The following ZNF804B variants were observed in gnomAD, a reference collection of about 807,000 sequenced individuals.
ZNF804B encodes the protein zinc finger 804B.
A neutral mutation model predicts 101.4 loss-of-function variants in ZNF804B; 80 were observed. The ratio of observed to expected loss-of-function variants is 0.79; its 90% CI spans 0.66 to 0.95. ZNF804B has a LOEUF of 0.95. Ranked by LOEUF, ZNF804B falls within the 40% of genes least tolerant of loss-of-function variation. ZNF804B has a pLI of 0.00. For synonymous variants in ZNF804B, 622 were observed against 558.8 expected (o/e 1.11, Z -1.59); for missense variants, 1,673 against 1,561.9 (o/e 1.07, Z -1.20).
rs185118325 is a variant in ZNF804B, at chr7:89,148,563, G to A, written c.109-69592G>A. 2.3e-3 allele frequency among the ~76,000 whole-genome samples: 355 copies of A among 152,088 alleles called. 2 individuals carry two copies. The highest frequency in any genetic ancestry group is 7.7e-3 in the African/African-American group (319 of 41,518). ...TGAAGTTATTCTAAAATAATGTTAT[G>A]TATTTAAAAATATTAATACAAGTAG... On this transcript the variant is annotated intron_variant, in intron 1 of 3. Coordinates refer to ENST00000333190, the MANE Select transcript of ZNF804B (RefSeq NM_181646.5).
chr7:89,030,254 T>A (rs1213287197), intron 1 of ZNF804B, among the ~76,000 whole-genome samples: 7 of 152,166 alleles, frequency 4.6e-5, no homozygotes, highest in Non-Finnish European at 5.9e-5. Flanking sequence ...TCATCTGAAG[T>A]CTCATCAATA....
intron 1 of ZNF804B, among the ~76,000 whole-genome samples, chr7:88,924,337 A>C (rs939719897): frequency 1.3e-5 from 2 of 151,974 alleles, no homozygotes; most frequent in African/African-American, 4.8e-5. Flanking sequence ...TACCTTGAGC[A>C]TGTGTTTTTG....
In ZNF804B at chr7:89,205,169, A is replaced by G. The variant is rs377551006; in HGVS notation, c.109-12986A>G. ...ACAGCACAGGAAAAACCTACCCTCC[A>G]TGATTCAATCACCTCCCACCAGGTC... On this transcript the variant is annotated intron_variant, in intron 1 of 3. Coordinates refer to ENST00000333190, the MANE Select transcript of ZNF804B (RefSeq NM_181646.5). Among the ~76,000 whole-genome samples the G allele has an allele frequency of 5.1e-4, 77 of 152,236 alleles. 2 individuals are homozygous for G. The South Asian group carries it at 0.016, about 31-fold the overall frequency.
At chr7:89,212,392 A>G (rs193293236) in intron 1 of ZNF804B, among the ~76,000 whole-genome samples, 19 of 152,208 alleles carry the variant, frequency 1.2e-4, no homozygotes, top group Admixed American at 1.2e-3. Flanking sequence ...ACAAAAGACA[A>G]ATTAACAAGA....
At chr7:88,838,458 A>G (rs1002666019) in intron 1 of ZNF804B, among the ~76,000 whole-genome samples, 1 of 151,904 alleles carries the variant, frequency 6.6e-6, no homozygotes, top group Non-Finnish European at 1.5e-5. Flanking sequence ...ATCCTTGTTG[A>G]AGTGTTTGGA....
At chr7:89,265,083 C>A (rs1789765736) in intron 2 of ZNF804B, among the ~76,000 whole-genome samples, 1 of 152,026 alleles carries the variant, frequency 6.6e-6, no homozygotes, top group African/African-American at 2.4e-5. Context: ...CACCATGTGC[C>A]ATTGATTTGT....
At chr7:89,192,686 AGG>A (rs1033840152) in intron 1 of ZNF804B, among the ~76,000 whole-genome samples, 82 of 152,146 alleles carry the variant, frequency 5.4e-4, no homozygotes, top group African/African-American at 1.9e-3. Context: ...CATACCTAGC[AGG>A]GACACAACAA....
At chr7:88,762,126 T>C (rs774543033) in intron 1 of ZNF804B, among the ~76,000 whole-genome samples, 9 of 152,248 alleles carry the variant, frequency 5.9e-5, no homozygotes, top group African/African-American at 1.2e-4. Context: ...GAAGGTTCTC[T>C]CCAATATTTA....
At chr7:89,165,264 A>G (rs1791124610) in intron 1 of ZNF804B, among the ~76,000 whole-genome samples, 1 of 152,086 alleles carries the variant, frequency 6.6e-6, no homozygotes, top group Non-Finnish European at 1.5e-5. Flanking sequence ...CTATCTCTGA[A>G]TTTCAAGTGT....
intron 1 of ZNF804B, among the ~76,000 whole-genome samples, chr7:89,064,153 G>A (rs1003359805): frequency 4.6e-5 from 7 of 152,110 alleles, no homozygotes; most frequent in Non-Finnish European, 8.8e-5. Context: ...AGCTCTGGAC[G>A]TTTAATGGTT....
intron 1 of ZNF804B, among the ~76,000 whole-genome samples, chr7:88,812,430 G>A (rs1339456364): frequency 6.6e-6 from 1 of 152,112 alleles, no homozygotes; most frequent in Non-Finnish European, 1.5e-5. Context: ...GTAAAATGGT[G>A]CAACCACCAT....
chr7:89,168,066 C>G (rs1308566758), intron 1 of ZNF804B, among the ~76,000 whole-genome samples: 1 of 151,902 alleles, frequency 6.6e-6, no homozygotes, highest in Non-Finnish European at 1.5e-5. Context: ...TGATTAGGGA[C>G]ACTAACTGTC....
Position 88,898,073 on chromosome 7 carries a change from C to CTTTTTTT in ZNF804B, c.108+138014_108+138020dup, listed in dbSNP as rs869050718. On this transcript the variant is annotated intron_variant, in intron 1 of 3. Coordinates refer to ENST00000333190, the MANE Select transcript of ZNF804B (RefSeq NM_181646.5). Reference sequence around the variant, plus strand: ...CCTCCTTCCTATATTACTTCTCCATCTTTTTTTTTTTTTTTTTTTTTTTTT... The same window carrying CTTTTTTT: ...CCTCCTTCCTATATTACTTCTCCATCTTTTTTTTTTTTTTTTTTTTTTTTTTTTTTTT... Among the ~76,000 whole-genome samples, 12 of 56,594 alleles carry CTTTTTTT rather than the reference C, an allele frequency of 2.1e-4. 1 individual carries two copies. The highest frequency in any genetic ancestry group is 2.7e-4 in the Non-Finnish European group (9 of 33,354). 37.1% of individuals were successfully genotyped at this position (56,594 alleles called of 152,430 possible).
intron 1 of ZNF804B, among the ~76,000 whole-genome samples, chr7:89,215,841 G>A (rs1462319434): frequency 6.6e-6 from 1 of 150,918 alleles, no homozygotes; most frequent in Non-Finnish European, 1.5e-5. Flanking sequence ...CCGAGATCAC[G>A]CCACTGCACT....
At chr7:89,051,761 A>G (rs568345939) in intron 1 of ZNF804B, among the ~76,000 whole-genome samples, 41 of 152,248 alleles carry the variant, frequency 2.7e-4, no homozygotes, top group African/African-American at 9.9e-4. Flanking sequence ...TTTGCAGTAT[A>G]GTGTCATGGT....
chr7:88,934,902 G>T (rs571041701), intron 1 of ZNF804B, among the ~76,000 whole-genome samples: 2 of 151,878 alleles, frequency 1.3e-5, no homozygotes, highest in Admixed American at 6.6e-5. Flanking sequence ...AAAATATATT[G>T]TTATACAAAA....
At chr7:88,793,546 G>T (rs1022595097) in intron 1 of ZNF804B, among the ~76,000 whole-genome samples, 2 of 151,930 alleles carry the variant, frequency 1.3e-5, no homozygotes, top group Non-Finnish European at 2.9e-5. Flanking sequence ...CAATATTCTT[G>T]ATTATATAGG....
intron 1 of ZNF804B, among the ~76,000 whole-genome samples, chr7:88,872,784 A>G (rs1791855601): frequency 6.7e-6 from 1 of 149,872 alleles, no homozygotes; most frequent in Admixed American, 6.7e-5. Context: ...CCATGTCCCT[A>G]CAAAGGACAT....
At chr7:89,003,906 T>C (rs1213051258) in intron 1 of ZNF804B, among the ~76,000 whole-genome samples, 1 of 151,924 alleles carries the variant, frequency 6.6e-6, no homozygotes, top group Non-Finnish European at 1.5e-5. Flanking sequence ...ATCTAGCCTG[T>C]TTGTGAGTGC....
Sources: allele counts gnomAD v4.1 joint callset (sites outside exome capture counted in the v4.1 genomes callset), GRCh38; gene constraint gnomAD v4.1.1; transcripts MANE v1.5; gene names NCBI Gene and HGNC (gene_info 2026-07-23, HGNC 2026-07-21).